Variants in CNTN5 observed in about 807,000 individuals in gnomAD.
The protein encoded by CNTN5 is contactin 5.
In CNTN5, 77 loss-of-function variants were observed where a neutral mutation model predicts 129.1. That is an observed-to-expected ratio of 0.60 (90% CI 0.50 to 0.72). CNTN5 has a LOEUF of 0.72. Ranked by LOEUF, CNTN5 falls within the 30% of genes least tolerant of loss-of-function variation. The pLI, the probability that CNTN5 is intolerant of heterozygous loss-of-function variation, is 0.00. For missense variants in CNTN5, 1,478 were observed against 1,328.8 expected (o/e 1.11, Z -1.75); for synonymous variants, 509 against 465.6 (o/e 1.09, Z -1.20).
At chr11:99,473,360 A>G (rs924144157) in intron 2 of CNTN5, among the ~76,000 whole-genome samples, 6 of 152,186 alleles carry the variant, frequency 3.9e-5, no homozygotes, top group Admixed American at 2.6e-4. Context: ...TATAATAATA[A>G]TGCTAGAATT....
chr11:99,966,701 C>G (rs1056909817), intron 8 of CNTN5, among the ~76,000 whole-genome samples: 1 of 152,284 alleles, frequency 6.6e-6, no homozygotes, highest in East Asian at 1.9e-4. Flanking sequence ...GTATCTGAAA[C>G]ATAGATGGTA....
intron 13 of CNTN5, among the ~76,000 whole-genome samples, chr11:100,158,056 G>A (rs1392160889): frequency 6.6e-6 from 1 of 151,672 alleles, no homozygotes; most frequent in Non-Finnish European, 1.5e-5. Flanking sequence ...AACAAAAGTG[G>A]CAACCATTGA....
At chr11:99,831,976 G>A (rs1452992721) in intron 4 of CNTN5, among the ~76,000 whole-genome samples, 1 of 152,082 alleles carries the variant, frequency 6.6e-6, no homozygotes, top group Non-Finnish European at 1.5e-5. Context: ...AACTTCCAAT[G>A]GCCAACCACT....
intron 3 of CNTN5, among the ~76,000 whole-genome samples, chr11:99,772,941 A>AT (rs1022646167): frequency 2.6e-5 from 4 of 151,882 alleles, no homozygotes; most frequent in African/African-American, 9.7e-5. Context: ...AGAATTTTAG[A>AT]TTTTTTTTCA....
intron 3 of CNTN5, among the ~76,000 whole-genome samples, chr11:99,619,562 A>T (rs188511360): frequency 5.3e-5 from 8 of 152,216 alleles, no homozygotes; most frequent in Admixed American, 3.9e-4. Context: ...GAGTAGAAAA[A>T]GTATTTTTAT....
intron 2 of CNTN5, among the ~76,000 whole-genome samples, chr11:99,524,453 A>G (rs1280820938): frequency 6.6e-6 from 1 of 152,208 alleles, no homozygotes; most frequent in South Asian, 2.1e-4. Flanking sequence ...GTGACAAATC[A>G]CCAAAGCCTT....
chr11:99,114,657 T>C (rs769787802), intron 1 of CNTN5, among the ~76,000 whole-genome samples: 1 of 152,156 alleles, frequency 6.6e-6, no homozygotes, highest in Non-Finnish European at 1.5e-5. Flanking sequence ...AAAAGTAAAA[T>C]AGGCTTGCAT....
At chr11:100,325,318 A>C (rs926633293) in intron 21 of CNTN5, among the ~76,000 whole-genome samples, 5 of 152,158 alleles carry the variant, frequency 3.3e-5, no homozygotes, top group African/African-American at 1.2e-4. Context: ...TCTAACCCTC[A>C]ATTTAAATTA....
intron 6 of CNTN5, among the ~76,000 whole-genome samples, chr11:99,910,213 A>G (rs1247639440): frequency 6.6e-6 from 1 of 152,096 alleles, no homozygotes; most frequent in Non-Finnish European, 1.5e-5. Flanking sequence ...AAGCCCTCCC[A>G]TATCTGTTTA....
chr11:100,273,891 C>CA (rs1303838305), intron 18 of CNTN5, among the ~76,000 whole-genome samples: 1 of 151,892 alleles, frequency 6.6e-6, no homozygotes, highest in East Asian at 1.9e-4. Context: ...TCATATGAAC[C>CA]AAAAAAGAGT....
chr11:99,755,205 G>C (rs977738376), intron 3 of CNTN5, among the ~76,000 whole-genome samples: 1 of 152,058 alleles, frequency 6.6e-6, no homozygotes, highest in Admixed American at 6.6e-5. Context: ...ACAGATTTTC[G>C]CATGGATAAG....
At chr11:99,338,940 A>ATG in intron 2 of CNTN5, among the ~76,000 whole-genome samples, 1 of 126,982 alleles carries the variant, frequency 7.9e-6, no homozygotes, top group Non-Finnish European at 1.8e-5. Context: ...ATATATATAT[A>ATG]TATATATCTG....
At chr11:100,186,041 T>C (rs1184389938) in intron 13 of CNTN5, among the ~76,000 whole-genome samples, 2 of 152,148 alleles carry the variant, frequency 1.3e-5, no homozygotes, top group African/African-American at 2.4e-5. Context: ...TTGTGTAGTA[T>C]CTGACAAGTA....
At chr11:100,124,070 A>G (rs1037792537) in intron 13 of CNTN5, among the ~76,000 whole-genome samples, 3 of 152,068 alleles carry the variant, frequency 2.0e-5, no homozygotes, top group African/African-American at 7.2e-5. Flanking sequence ...TGCACCAGGT[A>G]CTGTGCTAAG....
chr11:99,583,650 T>C (rs185913123), intron 3 of CNTN5, among the ~76,000 whole-genome samples: 6,358 of 152,302 alleles, frequency 0.042, 173 homozygotes, highest in South Asian at 0.087. Context: ...TCTCCTGGTG[T>C]GCCGTTTGTT....
rs56978867 is a variant in CNTN5 at position 99,687,056 on chromosome 11, C to T, written c.55+130787C>T. Among the ~76,000 whole-genome samples the T allele has an allele frequency of 0.018, 2,742 of 152,202 alleles. 110 individuals are homozygous for T. The East Asian group carries it at 0.18, about 10-fold the overall frequency. On this transcript the variant is annotated intron_variant, in intron 3 of 24. Coordinates refer to ENST00000524871, the MANE Select transcript of CNTN5 (RefSeq NM_014361.4). Reference sequence around the variant, plus strand: ...TAGATATACTGACACTGTCAGTCTACGTGAAGAGCTCTATTCAGGCTCTAG... The same window carrying T: ...TAGATATACTGACACTGTCAGTCTATGTGAAGAGCTCTATTCAGGCTCTAG...
chr11:99,058,870 G>A (rs2135202115), intron 1 of CNTN5, among the ~76,000 whole-genome samples: 1 of 151,566 alleles, frequency 6.6e-6, no homozygotes, highest in South Asian at 2.1e-4. Flanking sequence ...AAATGATGAG[G>A]ATTGAATGGA....
At chr11:99,163,059 G>A (rs1483782050) in intron 1 of CNTN5, among the ~76,000 whole-genome samples, 3 of 152,134 alleles carry the variant, frequency 2.0e-5, no homozygotes, top group Non-Finnish European at 4.4e-5. Context: ...TACGGAAATA[G>A]GAGAGTGAAA....
intron 2 of CNTN5, among the ~76,000 whole-genome samples, chr11:99,368,454 C>A (rs2136125372): frequency 6.7e-6 from 1 of 149,356 alleles, no homozygotes; most frequent in Admixed American, 6.7e-5. Flanking sequence ...CCAGCCTGGA[C>A]AACATAGTGC....
Sources: allele counts gnomAD v4.1 joint callset (sites outside exome capture counted in the v4.1 genomes callset), GRCh38; gene constraint gnomAD v4.1.1; transcripts MANE v1.5; gene names NCBI Gene and HGNC (gene_info 2026-07-23, HGNC 2026-07-21).